PTPN6: variants seen among roughly 807,000 people sequenced by gnomAD.
The protein encoded by PTPN6 is tyrosine-protein phosphatase non-receptor type 6.
A neutral mutation model predicts 81.5 loss-of-function variants in PTPN6; 18 were observed. That is an observed-to-expected ratio of 0.22 (90% confidence interval 0.15 to 0.33). PTPN6 has a LOEUF of 0.33. Ranked by LOEUF, PTPN6 falls within the 10% of genes least tolerant of loss-of-function variation. The probability of loss-of-function intolerance (pLI) is 1.00; values close to 1 mark genes in which losing one functional copy is unlikely to be tolerated. For missense variants in PTPN6, 500 were observed against 794.2 expected (o/e 0.63, Z 4.45); for synonymous variants, 301 against 310.9 (o/e 0.97, Z 0.33).
In PTPN6 at chr12:6,959,894, C is replaced by T; in HGVS notation, c.1362-33C>T. 2.5e-6 allele frequency: 4 copies of T among 1,610,038 alleles called. No homozygotes were observed. Among genetic ancestry groups the T allele is most frequent in the Middle Eastern group, 2.3e-4 (1 of 4,436 alleles). On this transcript the variant is annotated intron_variant, in intron 11 of 15. Transcript: ENST00000318974. The surrounding 1 kb of genome is among the most constrained non-coding windows in gnomAD (Gnocchi z 6.6). ...ACCCCCCTTCCCGGGGAGGGCTTGA[C>T]TGGCCTCTGATGGCACCCCCGTCTT...
rs373481425 is a variant in PTPN6, at chr12:6,960,644, T to G, written c.1674-162T>G. 2.9e-5 allele frequency: 44 copies of G among 1,542,348 alleles called. No individual in the cohort carries two copies. Among genetic ancestry groups the G allele is most frequent in the East Asian group, 2.0e-4 (8 of 40,830 alleles). ...ACCAGCAGCGCACTCGTGTATGAGA[T>G]GTAGCCTCTGTCCTCTAGGAGCTTG... On this transcript the variant is annotated intron_variant, in intron 14 of 15. Transcript: ENST00000318974. This position sits in a 1 kb window ranked among gnomAD's most constrained non-coding sequence, Gnocchi z 6.1.
Position 6,952,687 on chromosome 12 carries a change from CA to C in PTPN6, c.326+513del, listed in dbSNP as rs2138262126. On this transcript the variant is annotated intron_variant, in intron 3 of 15. Transcript: ENST00000318974. The surrounding 1 kb of genome is among the most constrained non-coding windows in gnomAD (Gnocchi z 8.1). ...TGGGGATGGGTCTGTCCTGTGGGGT[CA>C]AATAGGTCTCCGGCCCAAACAGAGA... 4.9e-6 allele frequency: 1 copy of C among 204,920 alleles called. No homozygotes were observed. Among genetic ancestry groups the C allele is most frequent in the Admixed American group, 5.3e-5 (1 of 18,816 alleles). 12.7% of individuals were successfully genotyped at this position (204,920 alleles called of 1,614,324 possible).
Position 6,952,451 on chromosome 12 carries a change from C to G in PTPN6, c.326+274C>G, listed in dbSNP as rs1555147934. On this transcript the variant is annotated intron_variant, in intron 3 of 15. Transcript: ENST00000318974. The surrounding 1 kb of genome is among the most constrained non-coding windows in gnomAD (Gnocchi z 8.1). ...AGCCCTGGCCGCTGCAACCCAGGTC[C>G]CACTGGAGACAGGGAGGCCACTGCT... The G allele has an allele frequency of 3.7e-6, 2 of 537,410 alleles. No individual in the cohort carries two copies. The highest frequency in any genetic ancestry group is 3.4e-6 in the Non-Finnish European group (1 of 297,022). The allele number at this position is 537,410 out of a possible 1,614,324, so 33.3% of individuals were successfully genotyped here. A position where few individuals can be genotyped will look rare whatever the true frequency, so the allele number is the denominator to read the frequency against.
chr12:6,949,536 C>T (rs11064473), upstream of PTPN6, among the ~76,000 whole-genome samples: 1 of 152,164 alleles, frequency 6.6e-6, no homozygotes, highest in South Asian at 2.1e-4. Context: ...CTTAACATCT[C>T]TGAGTCTTAG....
rs1377667153 is a variant in PTPN6 at position 6,957,446 on chromosome 12, T to A, written c.1075-208T>A. Among the ~76,000 whole-genome samples, 1 of 152,230 alleles carries A rather than the reference T, an allele frequency of 6.6e-6. No homozygotes were observed. Among genetic ancestry groups the A allele is most frequent in the Non-Finnish European group, 1.5e-5 (1 of 68,044 alleles). On this transcript the variant is annotated intron_variant, in intron 9 of 15. Coordinates refer to ENST00000318974, the MANE Select transcript of PTPN6 (RefSeq NM_002831.6). This position sits in a 1 kb window ranked among gnomAD's most constrained non-coding sequence, Gnocchi z 6.5. ...CAACGTTTGTTGAATGACAAACGGA[T>A]GTACCGGTGAAGTGGCTGGCCAGGC...
At position 6,952,715 on chromosome 12, in the gene PTPN6, C is replaced by T. The variant is rs147831869; in HGVS notation, c.326+538C>T. The T allele has an allele frequency of 5.9e-3, 1,154 of 194,924 alleles. 13 individuals carry two copies. Among genetic ancestry groups the T allele is most frequent in the African/African-American group, 0.025 (1,073 of 42,688 alleles). The allele number at this position is 194,924 out of a possible 1,614,324, so 12.1% of individuals were successfully genotyped here. A position where few individuals can be genotyped will look rare whatever the true frequency, so the allele number is the denominator to read the frequency against. On this transcript the variant is annotated intron_variant, in intron 3 of 15. Coordinates refer to ENST00000318974, the MANE Select transcript of PTPN6 (RefSeq NM_002831.6). This position sits in a 1 kb window ranked among gnomAD's most constrained non-coding sequence, Gnocchi z 8.1. Reference sequence around the variant, plus strand: ...ATAGGTCTCCGGCCCAAACAGAGATCATTGAGAGCACGATGTGAAGTGTTC... The same window carrying T: ...ATAGGTCTCCGGCCCAAACAGAGATTATTGAGAGCACGATGTGAAGTGTTC...
chr12:6,960,080 C>T lies in PTPN6; in HGVS notation c.1430-8C>T, dbSNP rs1473370060. The T allele has an allele frequency of 7.6e-5, 123 of 1,613,440 alleles. No individual in the cohort carries two copies. Among genetic ancestry groups the T allele is most frequent in the Non-Finnish European group, 1.0e-4 (121 of 1,180,006 alleles). ...CCTGGACCTGAGGTTTGACTGCCCC[C>T]CACCCAGGCCTGGACTGTGACATTG... On this transcript the variant is annotated splice_polypyrimidine_tract_variant and splice_region_variant and intron_variant, in intron 12 of 15. Coordinates refer to ENST00000318974, the MANE Select transcript of PTPN6 (RefSeq NM_002831.6). This position sits in a 1 kb window ranked among gnomAD's most constrained non-coding sequence, Gnocchi z 6.1.
chr12:6,946,820 G>GTT, upstream of PTPN6: 1 of 1,406,056 alleles, frequency 7.1e-7, no homozygotes, highest in Non-Finnish European at 9.9e-7. Flanking sequence ...TCACTCCGAC[G>GTT]TGTGTGAACG....
upstream of PTPN6, among the ~76,000 whole-genome samples, chr12:6,948,140 T>A (rs1945858843): frequency 1.3e-5 from 2 of 151,022 alleles, no homozygotes; most frequent in South Asian, 4.2e-4. Context: ...AAATACTGGG[T>A]ATGATGGCCC....
At chr12:6,949,417 C>T (rs959103852), upstream of PTPN6, among the ~76,000 whole-genome samples, 3 of 152,312 alleles carry the variant, frequency 2.0e-5, no homozygotes, top group Admixed American at 6.5e-5. Context: ...CTGCCCCCGA[C>T]GCTGTCTGCT....
chr12:6,958,115 G>T (rs1946065115), intron 11 of PTPN6, 42 bp downstream of exon 11: 1 of 1,601,782 alleles, frequency 6.2e-7, no homozygotes, highest in African/African-American at 1.3e-5. Context: ...CAGCTGAGAA[G>T]TAAATACTGC....
Position 6,956,388 on chromosome 12 carries a change from T to G in PTPN6, c.925-31T>G. 6.2e-7 allele frequency: 1 copy of G among 1,614,102 alleles called. No individual in the cohort carries two copies. Among genetic ancestry groups the G allele is most frequent in the South Asian group, 1.1e-5 (1 of 91,086 alleles). On this transcript the variant is annotated intron_variant, in intron 8 of 15. Coordinates refer to ENST00000318974, the MANE Select transcript of PTPN6 (RefSeq NM_002831.6). The surrounding 1 kb of genome is among the most constrained non-coding windows in gnomAD (Gnocchi z 4.1). ...GTGCTGGGCCAAGGGGCTCACTGTCTTGGGGTGCGTCTCTCCACGCTTGCG... is the reference window on the plus strand; with the variant it reads ...GTGCTGGGCCAAGGGGCTCACTGTCGTGGGGTGCGTCTCTCCACGCTTGCG...
At position 6,955,534 on chromosome 12, in the gene PTPN6, G is replaced by A. The variant is rs782652143; in HGVS notation, c.747+49G>A. On this transcript the variant is annotated intron_variant, in intron 6 of 15. Coordinates refer to ENST00000318974, the MANE Select transcript of PTPN6 (RefSeq NM_002831.6). The surrounding 1 kb of genome is among the most constrained non-coding windows in gnomAD (Gnocchi z 7.2). The stretch of plus-strand genomic sequence containing the variant: ...CTGGGGCAGCTGAGGTGGTGGCAGC[G>A]GCCTGGGGCCCCAGGCGGACACCTT... The A allele has an allele frequency of 2.2e-5, 35 of 1,592,664 alleles. No individual in the cohort carries two copies. Among genetic ancestry groups the A allele is most frequent in the East Asian group, 2.0e-4 (9 of 44,754 alleles).
chr12:6,956,035 A>G lies in PTPN6; in HGVS notation c.845-107A>G. On this transcript the variant is annotated intron_variant, in intron 7 of 15. Transcript: ENST00000318974. This position sits in a 1 kb window ranked among gnomAD's most constrained non-coding sequence, Gnocchi z 4.1. ...CTGCCCACAGTCCCCCGCAAGCCTC[A>G]TGGCTTCTGAGACCAGAATGGCCTG... 8.6e-7 allele frequency: 1 copy of G among 1,165,714 alleles called. No individual in the cohort carries two copies. Among genetic ancestry groups the G allele is most frequent in the South Asian group, 1.3e-5 (1 of 79,546 alleles). The allele number at this position is 1,165,714 out of a possible 1,614,324, so 72.2% of individuals were successfully genotyped here. A position where few individuals can be genotyped will look rare whatever the true frequency, so the allele number is the denominator to read the frequency against.
chr12:6,951,244 C>T (rs1436834041), upstream of PTPN6: 1 of 1,433,476 alleles, frequency 7.0e-7, no homozygotes, highest in Non-Finnish European at 9.1e-7. The surrounding 1 kb of genome is among the most constrained non-coding windows in gnomAD (Gnocchi z 7.2). Context: ...CCAGTGCCAC[C>T]CTGCTCTGCT....
At chr12:6,946,962 G>A (rs1478867358), upstream of PTPN6, among the ~76,000 whole-genome samples, 3 of 152,174 alleles carry the variant, frequency 2.0e-5, no homozygotes, top group Non-Finnish European at 2.9e-5. Flanking sequence ...GGACAAGTGT[G>A]TATCTGTTCT....
At position 6,960,527 on chromosome 12, in the gene PTPN6, G is replaced by A. The variant is rs1555149694; in HGVS notation, c.1673+92G>A. The A allele has an allele frequency of 2.1e-6, 3 of 1,455,366 alleles. No individual in the cohort carries two copies. The highest frequency in any genetic ancestry group is 2.8e-6 in the Non-Finnish European group (3 of 1,058,528). 90.2% of individuals were successfully genotyped at this position (1,455,366 alleles called of 1,614,324 possible). On this transcript the variant is annotated intron_variant, in intron 14 of 15. Transcript: ENST00000318974. The surrounding 1 kb of genome is among the most constrained non-coding windows in gnomAD (Gnocchi z 6.1). ...TCTGGAGAGGACAAGTGTTGCAGCT[G>A]GGGGGACCTGGCTTCAAGTTCAGGC...
Position 6,955,802 on chromosome 12 carries a change from C to G in PTPN6, c.844+46C>G. 1 of 1,549,328 alleles carries G rather than the reference C, an allele frequency of 6.5e-7. No homozygotes were observed. The highest frequency in any genetic ancestry group is 8.9e-7 in the Non-Finnish European group (1 of 1,121,890). On this transcript the variant is annotated intron_variant, in intron 7 of 15. Transcript: ENST00000318974. This position sits in a 1 kb window ranked among gnomAD's most constrained non-coding sequence, Gnocchi z 7.2. Reference sequence around the variant, plus strand: ...ATTCACCCAGGATACCGCCCCTGCCCCAGCTGCCTCCCCTCATCTCACAGG... The same window carrying G: ...ATTCACCCAGGATACCGCCCCTGCCGCAGCTGCCTCCCCTCATCTCACAGG...
rs782079530 is a variant in PTPN6 at position 6,955,187 on chromosome 12, G to A, written c.553G>A (p.Asp185Asn). 2.5e-6 allele frequency: 4 copies of A among 1,614,204 alleles called. No individual in the cohort carries two copies. Among genetic ancestry groups the A allele is most frequent in the African/African-American group, 1.3e-5 (1 of 75,052 alleles). Residue 185 changes from aspartate (D) to asparagine (N), a missense_variant, in exon 5 of 16, where the codon GAC becomes AAC. Asp to Asn is a conservative substitution (Grantham distance 23). Around this residue, in one of 6 missense-constraint regions of PTPN6, gnomAD observed 96 missense variants for 137.3 expected, o/e 0.70. Coordinates refer to ENST00000318974, the MANE Select transcript of PTPN6 (RefSeq NM_002831.6). The surrounding 1 kb of genome is among the most constrained non-coding windows in gnomAD (Gnocchi z 7.2). ...RYTVGGLETF[D>N]SLTDLVEHFK... Reference sequence around the variant, plus strand: ...CACAGTGGGTGGTTTGGAGACCTTCGACAGCCTCACGGACCTGGTGGAGCA... The same window carrying A: ...CACAGTGGGTGGTTTGGAGACCTTCAACAGCCTCACGGACCTGGTGGAGCA...
Sources: allele counts gnomAD v4.1 joint callset (sites outside exome capture counted in the v4.1 genomes callset), GRCh38; gene constraint gnomAD v4.1.1; regional missense constraint gnomAD v4.1.1; non-coding constraint Gnocchi (gnomAD v3.1); transcripts MANE v1.5; gene names NCBI Gene and HGNC (gene_info 2026-07-23, HGNC 2026-07-21).